Variants in NETO1 observed in about 807,000 individuals in gnomAD.
The protein encoded by NETO1 is neuropilin and tolloid-like protein 1.
NETO1 carries 26 observed loss-of-function variants against 61.3 expected under a neutral mutation model. The observed-to-expected ratio is 0.42, with a 90% CI of 0.31 to 0.59. The LOEUF is 0.59. NETO1 is among the 20% of genes least tolerant of loss of function. The pLI is 0.12. For missense variants in NETO1, 531 were observed against 662.8 expected (o/e 0.80, Z 2.18); for synonymous variants, 225 against 225.8 (o/e 1.00, Z 0.03).
chr18:72,769,123 C>T (rs915778523), intron 7 of NETO1, among the ~76,000 whole-genome samples: 2 of 152,290 alleles, frequency 1.3e-5, no homozygotes, highest in South Asian at 2.1e-4. Flanking sequence ...ACCCTGACAA[C>T]TCGTGTCATA....
chr18:72,857,151 C>T (rs954166718), intron 4 of NETO1, among the ~76,000 whole-genome samples: 2 of 152,182 alleles, frequency 1.3e-5, no homozygotes, highest in Non-Finnish European at 2.9e-5. Flanking sequence ...TAGGTTTCCC[C>T]AGAAGTTTTG....
Position 72,746,620 on chromosome 18 carries a change from A to C in NETO1, c.*1559T>G, listed in dbSNP as rs1298740302. Among the ~76,000 whole-genome samples, 1 of 151,892 alleles carries C rather than the reference A, an allele frequency of 6.6e-6. No homozygotes were observed. The highest frequency in any genetic ancestry group is 1.5e-5 in the Non-Finnish European group (1 of 67,920). On this transcript the variant is annotated 3_prime_UTR_variant, in exon 11 of 11. Transcript: ENST00000327305. ...ACATATATGACATTGTATTCCTAGT[A>C]GGGAAGTATAACAGTAATTCATCTA...
At chr18:72,827,941 T>A (rs901192772) in intron 4 of NETO1, among the ~76,000 whole-genome samples, 2 of 152,190 alleles carry the variant, frequency 1.3e-5, no homozygotes, top group African/African-American at 4.8e-5. Flanking sequence ...GGTCAGATGT[T>A]ATCTTTTGCT....
chr18:72,808,754 T>C (rs1471055702), intron 4 of NETO1, among the ~76,000 whole-genome samples: 1 of 152,194 alleles, frequency 6.6e-6, no homozygotes, highest in African/African-American at 2.4e-5. Flanking sequence ...ATTAGACCCT[T>C]CTAAATAGAG....
intron 7 of NETO1, among the ~76,000 whole-genome samples, chr18:72,758,984 T>A (rs1043296443): frequency 6.6e-6 from 1 of 152,180 alleles, no homozygotes; most frequent in Admixed American, 6.6e-5. Flanking sequence ...ATTGTCTGAA[T>A]CTCTCTCTCA....
intron 4 of NETO1, among the ~76,000 whole-genome samples, chr18:72,845,697 T>C (rs1193202879): frequency 7.2e-5 from 11 of 152,182 alleles, no homozygotes; most frequent in Admixed American, 6.5e-4. Context: ...GAAGTATAGG[T>C]TACAGGAAAA....
intron 10 of NETO1, 98 bp downstream of exon 10, chr18:72,748,916 A>T: frequency 2.5e-6 from 2 of 787,996 alleles, no homozygotes; most frequent in Admixed American, 4.0e-5. Context: ...ATCTCAAGAA[A>T]TAATGGATAA....
chr18:72,856,912 C>T (rs571767657), intron 4 of NETO1, among the ~76,000 whole-genome samples: 1 of 152,342 alleles, frequency 6.6e-6, no homozygotes, highest in African/African-American at 2.4e-5. Flanking sequence ...ACAACTATAG[C>T]CTGCCTGGCT....
rs371817153 is a variant in NETO1, at chr18:72,793,027, C to A, written c.639+1090G>T. 5.9e-5 allele frequency among the ~76,000 whole-genome samples: 9 copies of A among 152,248 alleles called. No individual in the cohort carries two copies. The East Asian group carries it at 9.7e-4, about 16-fold the overall frequency. On this transcript the variant is annotated intron_variant, in intron 6 of 10. Coordinates refer to ENST00000327305, the MANE Select transcript of NETO1 (RefSeq NM_138966.5). Reference sequence around the variant, plus strand: ...TTTTCTCTCTCTCTGTTATACCTTACAAATACCCCAATGATCTAACCTTAC... The same window carrying A: ...TTTTCTCTCTCTCTGTTATACCTTAAAAATACCCCAATGATCTAACCTTAC...
At chr18:72,752,890 G>A (rs2070669501) in intron 8 of NETO1, among the ~76,000 whole-genome samples, 1 of 152,056 alleles carries the variant, frequency 6.6e-6, no homozygotes, top group Non-Finnish European at 1.5e-5. Context: ...AGCCTCAACA[G>A]TACATTTCAG....
intron 4 of NETO1, among the ~76,000 whole-genome samples, chr18:72,812,137 A>T (rs2072888115): frequency 6.6e-6 from 1 of 152,236 alleles, no homozygotes; most frequent in African/African-American, 2.4e-5. Flanking sequence ...AAATCACTGC[A>T]TTATATGAAA....
chr18:72,835,397 A>G, intron 4 of NETO1: 1 of 1,268,660 alleles, frequency 7.9e-7, no homozygotes, highest in Non-Finnish European at 1.1e-6. Flanking sequence ...AGTCCACTTT[A>G]ACAGCTGTTT....
intron 7 of NETO1, among the ~76,000 whole-genome samples, chr18:72,760,080 C>T (rs1244805332): frequency 6.6e-6 from 1 of 152,138 alleles, no homozygotes; most frequent in Non-Finnish European, 1.5e-5. Context: ...AGACACGAGA[C>T]CCTCCAACTA....
chr18:72,774,848 C>T (rs2071491780), intron 7 of NETO1, among the ~76,000 whole-genome samples: 1 of 152,142 alleles, frequency 6.6e-6, no homozygotes, highest in African/African-American at 2.4e-5. Flanking sequence ...AAATTGTAGA[C>T]TAAACATTTT....
chr18:72,771,806 T>A (rs2071360223), intron 7 of NETO1, among the ~76,000 whole-genome samples: 1 of 152,172 alleles, frequency 6.6e-6, no homozygotes, highest in African/African-American at 2.4e-5. Flanking sequence ...AAAACCCACA[T>A]CATTGCAATA....
chr18:72,829,441 A>G (rs1192211832), intron 4 of NETO1, among the ~76,000 whole-genome samples: 1 of 152,346 alleles, frequency 6.6e-6, no homozygotes, highest in Non-Finnish European at 1.5e-5. Context: ...CAATCTTATT[A>G]TGATATTATG....
chr18:72,794,078 A>T (rs1412592710), intron 6 of NETO1, 39 bp downstream of exon 6: 1 of 1,613,584 alleles, frequency 6.2e-7, no homozygotes, highest in Non-Finnish European at 8.5e-7. Context: ...ACACTTCTCA[A>T]CGTCAGCTGT....
At chr18:72,819,430 T>C (rs1309776227) in intron 4 of NETO1, among the ~76,000 whole-genome samples, 1 of 152,214 alleles carries the variant, frequency 6.6e-6, no homozygotes, top group Non-Finnish European at 1.5e-5. Context: ...TATTTTATAA[T>C]TAGATAATTC....
intron 6 of NETO1, 134 bp from the exon 7 acceptor site, chr18:72,784,040 A>G (rs2071830928): frequency 1.5e-6 from 1 of 651,346 alleles, no homozygotes. Context: ...CCTTGTGAAT[A>G]GAAAGAAGAT....
Sources: gnomAD v4.1 joint callset for allele counts (sites outside exome capture counted in the v4.1 genomes callset) on GRCh38, gnomAD v4.1.1 for gene constraint, MANE v1.5 for transcripts, NCBI Gene and HGNC (gene_info 2026-07-23, HGNC 2026-07-21) for gene names.